The following SPAG16 variants were observed in gnomAD, a reference collection of about 807,000 sequenced individuals.
SPAG16 encodes sperm associated antigen 16.
Under a neutral mutation model 80.4 loss-of-function variants are expected in SPAG16, and 86 were observed. The ratio of observed to expected loss-of-function variants is 1.07; its 90% CI spans 0.90 to 1.28. The LOEUF (loss-of-function observed/expected upper bound fraction) is 1.28, where lower values mean the gene tolerates loss of function less well. Among genes scored for constraint, SPAG16 ranks in the 50% most tolerant of loss-of-function variants. The pLI is 0.00. For synonymous variants in SPAG16, 294 were observed against 265.9 expected (o/e 1.11, Z -1.03); for missense variants, 870 against 765.3 (o/e 1.14, Z -1.61).
chr2:213,972,902 T>C (rs532394684), intron 12 of SPAG16, among the ~76,000 whole-genome samples: 70 of 152,302 alleles, frequency 4.6e-4, no homozygotes, highest in Non-Finnish European at 3.8e-4. Flanking sequence ...TGGCATCTAT[T>C]TTGATTCCCT....
intron 9 of SPAG16, among the ~76,000 whole-genome samples, chr2:213,384,989 G>A (rs774499894): frequency 1.3e-5 from 2 of 152,078 alleles, no homozygotes; most frequent in East Asian, 1.9e-4. Flanking sequence ...TGCTTTCTCA[G>A]GAGTCTATAA....
At chr2:213,680,907 A>G (rs1443876469) in intron 10 of SPAG16, among the ~76,000 whole-genome samples, 1 of 152,190 alleles carries the variant, frequency 6.6e-6, no homozygotes, top group Non-Finnish European at 1.5e-5. Context: ...AGGTAAATTT[A>G]GACATTTTCT....
Position 213,475,509 on chromosome 2 carries a change from C to G in SPAG16, c.943-14454C>G, listed in dbSNP as rs565084324. Among the ~76,000 whole-genome samples, 7 of 152,280 alleles carry G rather than the reference C, an allele frequency of 4.6e-5. No individual in the cohort carries two copies. The East Asian group carries it at 1.4e-3, about 29-fold the overall frequency. On this transcript the variant is annotated intron_variant, in intron 9 of 15. Transcript: ENST00000331683. ...GAGGGGAGAAAAGGCATGCCTTAGTCTCTCCCTTGCTAATCTTGAATTTGA... is the reference window on the plus strand; with the variant it reads ...GAGGGGAGAAAAGGCATGCCTTAGTGTCTCCCTTGCTAATCTTGAATTTGA...
At chr2:213,920,956 C>T (rs541864769) in intron 11 of SPAG16, among the ~76,000 whole-genome samples, 1 of 152,328 alleles carries the variant, frequency 6.6e-6, no homozygotes, top group South Asian at 2.1e-4. Flanking sequence ...GCCAAGATTC[C>T]AGAGGCCTGT....
In SPAG16 at chr2:213,631,057, C is replaced by T. The variant is rs373397787; in HGVS notation, c.1070+140967C>T. 2.5e-3 allele frequency among the ~76,000 whole-genome samples: 383 copies of T among 152,126 alleles called. 2 individuals carry two copies. Among genetic ancestry groups the T allele is most frequent in the African/African-American group, 8.8e-3 (363 of 41,474 alleles). ...TGATGGTGCCGACCTTAATGAAAATCCAGGGAAAACACTACCGGCAAAACT... is the reference window on the plus strand; with the variant it reads ...TGATGGTGCCGACCTTAATGAAAATTCAGGGAAAACACTACCGGCAAAACT... On this transcript the variant is annotated intron_variant, in intron 10 of 15. Coordinates refer to ENST00000331683, the MANE Select transcript of SPAG16 (RefSeq NM_024532.5).
At chr2:213,300,010 G>T (rs546912120) in intron 3 of SPAG16, among the ~76,000 whole-genome samples, 1 of 152,250 alleles carries the variant, frequency 6.6e-6, no homozygotes, top group East Asian at 1.9e-4. Flanking sequence ...CTTTTTATAA[G>T]TGTATTTTTG....
At chr2:213,686,882 A>G (rs1441305530) in intron 10 of SPAG16, among the ~76,000 whole-genome samples, 1 of 150,938 alleles carries the variant, frequency 6.6e-6, no homozygotes, top group Non-Finnish European at 1.5e-5. Flanking sequence ...GTGGGGTTTC[A>G]CTGTTTTAGC....
In SPAG16 at chr2:213,677,142, G is replaced by A. The variant is rs576153340; in HGVS notation, c.1071-185343G>A. Among the ~76,000 whole-genome samples, 51 of 152,026 alleles carry A rather than the reference G, an allele frequency of 3.4e-4. No homozygotes were observed. In the East Asian group the frequency reaches 8.7e-3, roughly 26 times the overall value. On this transcript the variant is annotated intron_variant, in intron 10 of 15. Transcript: ENST00000331683. ...GTATGTGTCGAGGAAAGGAACAACCGGTACCAGCCGCTGTAAAATCATGCC... is the reference window on the plus strand; with the variant it reads ...GTATGTGTCGAGGAAAGGAACAACCAGTACCAGCCGCTGTAAAATCATGCC...
At chr2:214,225,639 A>G (rs1247936589) in intron 15 of SPAG16, among the ~76,000 whole-genome samples, 4 of 152,176 alleles carry the variant, frequency 2.6e-5, no homozygotes, top group Non-Finnish European at 5.9e-5. Flanking sequence ...AAAATATTTC[A>G]TATATTTTTC....
chr2:214,034,481 G>C (rs974464025), intron 13 of SPAG16, among the ~76,000 whole-genome samples: 5 of 152,194 alleles, frequency 3.3e-5, no homozygotes, highest in Admixed American at 3.3e-4. Context: ...AACTCAGCAG[G>C]CTGCTGTTAG....
intron 10 of SPAG16, among the ~76,000 whole-genome samples, chr2:213,695,912 T>C (rs1183109879): frequency 2.6e-5 from 4 of 152,184 alleles, no homozygotes. Flanking sequence ...CCAATTTAGA[T>C]TTTTAACAAA....
intron 10 of SPAG16, among the ~76,000 whole-genome samples, chr2:213,775,333 A>C (rs1352596392): frequency 1.3e-5 from 2 of 152,236 alleles, no homozygotes; most frequent in African/African-American, 2.4e-5. Flanking sequence ...ATATAAAAAT[A>C]CATGTTTAAT....
At chr2:213,782,634 A>C (rs2070069326) in intron 10 of SPAG16, among the ~76,000 whole-genome samples, 2 of 152,218 alleles carry the variant, frequency 1.3e-5, no homozygotes. Context: ...TGAAAGCTTC[A>C]CAACAACCCA....
intron 10 of SPAG16, among the ~76,000 whole-genome samples, chr2:213,539,081 T>G (rs189426339): frequency 3.7e-4 from 56 of 152,270 alleles, no homozygotes; most frequent in African/African-American, 1.3e-3. Context: ...TAGATTAAGA[T>G]TTGCCTTCTT....
chr2:214,108,565 T>C (rs910489689), intron 14 of SPAG16, among the ~76,000 whole-genome samples: 5 of 151,940 alleles, frequency 3.3e-5, no homozygotes, highest in African/African-American at 1.2e-4. Flanking sequence ...TAAGAGCCTT[T>C]TGTCCAATTT....
At chr2:213,291,767 AT>A (rs2062283611) in intron 1 of SPAG16, among the ~76,000 whole-genome samples, 1 of 152,212 alleles carries the variant, frequency 6.6e-6, no homozygotes, top group Non-Finnish European at 1.5e-5. Context: ...TATCTCAGGA[AT>A]TTATCTTTGT....
chr2:213,441,916 A>T (rs1026192401), intron 9 of SPAG16, among the ~76,000 whole-genome samples: 2 of 152,130 alleles, frequency 1.3e-5, no homozygotes, highest in Non-Finnish European at 1.5e-5. Context: ...GGAGGCTGAG[A>T]CAGGTGGATC....
chr2:213,681,636 A>G (rs2064388999), intron 10 of SPAG16, among the ~76,000 whole-genome samples: 1 of 152,174 alleles, frequency 6.6e-6, no homozygotes, highest in African/African-American at 2.4e-5. Context: ...GAGACACATA[A>G]CAAAACATGG....
At chr2:214,260,682 CT>C (rs1426458135) in intron 15 of SPAG16, among the ~76,000 whole-genome samples, 1 of 152,130 alleles carries the variant, frequency 6.6e-6, no homozygotes, top group Non-Finnish European at 1.5e-5. Context: ...GTCCAGAGAT[CT>C]GTTATCATGT....
Sources: gnomAD v4.1 joint callset for allele counts (sites outside exome capture counted in the v4.1 genomes callset) on GRCh38, gnomAD v4.1.1 for gene constraint, MANE v1.5 for transcripts, NCBI Gene and HGNC (gene_info 2026-07-23, HGNC 2026-07-21) for gene names.